The following COL12A1 variants were observed in gnomAD, a reference collection of about 807,000 sequenced individuals.
COL12A1 encodes the protein collagen type XII alpha 1 chain, also known as collagen alpha-1(XII) chain.
A neutral mutation model predicts 349.7 loss-of-function variants in COL12A1; 114 were observed. The ratio of observed to expected loss-of-function variants is 0.33; its 90% CI spans 0.28 to 0.38. COL12A1 has a LOEUF of 0.38. Among genes scored for constraint, COL12A1 ranks in the 10% least tolerant of loss-of-function variants. The probability of loss-of-function intolerance (pLI) is 1.00; values close to 1 mark genes in which losing one functional copy is unlikely to be tolerated. For synonymous variants in COL12A1, 1,369 were observed against 1,329.0 expected (o/e 1.03, Z -0.66); for missense variants, 3,284 against 3,756.9 (o/e 0.87, Z 3.29).
intron 27 of COL12A1, among the ~76,000 whole-genome samples, chr6:75,141,605 A>G (rs1413172068): frequency 6.6e-6 from 1 of 152,226 alleles, no homozygotes; most frequent in Non-Finnish European, 1.5e-5. Flanking sequence ...CAACTAAATC[A>G]TGAACTGGTG....
Position 75,189,200 on chromosome 6 carries a change from A to G in COL12A1, c.823+17T>C. The G allele has an allele frequency of 6.2e-7, 1 of 1,609,520 alleles. No individual in the cohort carries two copies. Among genetic ancestry groups the G allele is most frequent in the Non-Finnish European group, 8.5e-7 (1 of 1,178,046 alleles). On this transcript the variant is annotated intron_variant, in intron 7 of 65. Coordinates refer to ENST00000322507, the MANE Select transcript of COL12A1 (RefSeq NM_004370.6). ...TAGGAGTTGTAAAATGGAAATAATT[A>G]ACTGAACTTAACCTACCCAAGGAGA...
rs143980984 is a variant in COL12A1, at chr6:75,183,765, T to G, written c.1288+89A>C. The G allele has an allele frequency of 5.2e-6, 8 of 1,548,274 alleles. No homozygotes were observed. The African/African-American group carries it at 1.1e-4, about 21-fold the overall frequency. On this transcript the variant is annotated intron_variant, in intron 9 of 65. Coordinates refer to ENST00000322507, the MANE Select transcript of COL12A1 (RefSeq NM_004370.6). ...TTAAAAAAAAAACTATTGCAAATATTTCATTCAAAACTAAGTCCAAACAAG... is the reference window on the plus strand; with the variant it reads ...TTAAAAAAAAAACTATTGCAAATATGTCATTCAAAACTAAGTCCAAACAAG...
intron 3 of COL12A1, among the ~76,000 whole-genome samples, chr6:75,193,402 T>C (rs572241864): frequency 6.6e-6 from 1 of 152,238 alleles, no homozygotes; most frequent in South Asian, 2.1e-4. Context: ...AAAAGCTACG[T>C]TTCCTGGTAA....
intron 37 of COL12A1, 113 bp downstream of exon 37, chr6:75,129,978 G>A: frequency 2.4e-6 from 3 of 1,238,872 alleles, no homozygotes; most frequent in Admixed American, 2.3e-5. Context: ...AAATCCTAAA[G>A]TGTGACTATC....
At chr6:75,185,692 G>A (rs572601473) in intron 8 of COL12A1, among the ~76,000 whole-genome samples, 1 of 152,222 alleles carries the variant, frequency 6.6e-6, no homozygotes, top group South Asian at 2.1e-4. Context: ...AATGCTGGAG[G>A]TGCAGGCTAT....
At chr6:75,172,282 T>C (rs1167302431) in intron 13 of COL12A1, among the ~76,000 whole-genome samples, 2 of 152,236 alleles carry the variant, frequency 1.3e-5, no homozygotes, top group Non-Finnish European at 2.9e-5. Flanking sequence ...AATTAAAAAG[T>C]ACATTTTGTT....
In COL12A1 at chr6:75,126,491, A is replaced by C. The variant is rs764584606; in HGVS notation, c.6341-21T>G. 4 of 1,605,420 alleles carry C rather than the reference A, an allele frequency of 2.5e-6. No individual in the cohort carries two copies. In the African/African-American group the frequency reaches 5.4e-5, roughly 21 times the overall value. ...TCCCACTGAAAACAAACATTGACAC[A>C]CATTACTGACCTTTTATTGGCACAC... On this transcript the variant is annotated intron_variant, in intron 38 of 65. Coordinates refer to ENST00000322507, the MANE Select transcript of COL12A1 (RefSeq NM_004370.6).
chr6:75,121,223 G>C (rs1582082563), intron 44 of COL12A1, 79 bp downstream of exon 44: 18 of 1,314,768 alleles, frequency 1.4e-5, no homozygotes, highest in South Asian at 4.3e-5. Flanking sequence ...ATATTGAAAA[G>C]ACTTTTTACT....
intron 37 of COL12A1, among the ~76,000 whole-genome samples, chr6:75,129,626 C>G (rs1202146456): frequency 6.6e-6 from 1 of 151,920 alleles, no homozygotes; most frequent in Non-Finnish European, 1.5e-5. Flanking sequence ...CTAAAGTGTA[C>G]CGCAAAATGT....
intron 31 of COL12A1, among the ~76,000 whole-genome samples, chr6:75,135,099 G>A (rs968533360): frequency 2.7e-5 from 4 of 150,460 alleles, no homozygotes; most frequent in Admixed American, 2.6e-4. Context: ...CAACTTGCTA[G>A]CCGCCAGCAC....
At chr6:75,186,662 G>T (rs182618629) in intron 8 of COL12A1, among the ~76,000 whole-genome samples, 1 of 152,076 alleles carries the variant, frequency 6.6e-6, no homozygotes, top group Non-Finnish European at 1.5e-5. Context: ...AAAGATAAAT[G>T]CACACGTATA....
intron 2 of COL12A1, among the ~76,000 whole-genome samples, chr6:75,196,087 A>G (rs1257663950): frequency 6.6e-6 from 1 of 152,214 alleles, no homozygotes; most frequent in Non-Finnish European, 1.5e-5. Context: ...GACGTTTCCT[A>G]AATATTTTAT....
Position 75,151,955 on chromosome 6 carries a change from A to G in COL12A1, c.3912T>C (p.Gly1304=). 1 of 1,613,886 alleles carries G rather than the reference A, an allele frequency of 6.2e-7. No homozygotes were observed. Among genetic ancestry groups the G allele is most frequent in the Non-Finnish European group, 8.5e-7 (1 of 1,179,840 alleles). ...AGMRPRARKI[G]VLITDGKSQD... is the part of the protein sequence containing the mutation. ...GTGATTTTCCATCAGTAATGAGCAC[A>G]CCAATTTTTCGAGCTCGAGGTCTCA... Residue 1304 remains glycine, a synonymous_variant, in exon 20 of 66, where the codon GGT becomes GGC. Transcript: ENST00000322507.
chr6:75,111,667 C>G (rs1768845564), intron 51 of COL12A1, among the ~76,000 whole-genome samples: 1 of 151,938 alleles, frequency 6.6e-6, no homozygotes, highest in African/African-American at 2.4e-5. Flanking sequence ...GATTCAACAT[C>G]TAAGAACAGA....
intron 64 of COL12A1, among the ~76,000 whole-genome samples, chr6:75,088,369 G>C (rs984438536): frequency 2.0e-5 from 3 of 151,902 alleles, no homozygotes; most frequent in Non-Finnish European, 4.4e-5. Context: ...GGCCCTTTTA[G>C]TGAGGCTATG....
At chr6:75,086,645 A>G (rs980400298) in intron 65 of COL12A1, 88 bp from the exon 66 acceptor site, 3 of 603,060 alleles carry the variant, frequency 5.0e-6, no homozygotes, top group South Asian at 4.1e-5. Context: ...TGTAATGGTT[A>G]AAGTATATAT....
At chr6:75,122,549 ATTAT>A (rs1765796140) in intron 43 of COL12A1, among the ~76,000 whole-genome samples, 2 of 152,186 alleles carry the variant, frequency 1.3e-5, no homozygotes, top group African/African-American at 4.8e-5. Context: ...TTAAACCAAG[ATTAT>A]TTACTGAATT....
intron 52 of COL12A1, among the ~76,000 whole-genome samples, chr6:75,108,332 C>G (rs958855735): frequency 5.3e-5 from 8 of 152,030 alleles, no homozygotes; most frequent in African/African-American, 1.9e-4. Context: ...AAGTAATTCT[C>G]CTTCCTTGGC....
intron 45 of COL12A1, 44 bp downstream of exon 45, chr6:75,119,306 C>T (rs1343937045): frequency 6.2e-7 from 1 of 1,604,700 alleles, no homozygotes; most frequent in Non-Finnish European, 8.5e-7. Flanking sequence ...CTCAGTTCTG[C>T]CACTACAAAT....
Sources: gnomAD v4.1 joint callset for allele counts (sites outside exome capture counted in the v4.1 genomes callset) on GRCh38, gnomAD v4.1.1 for gene constraint, MANE v1.5 for transcripts, NCBI Gene and HGNC (gene_info 2026-07-23, HGNC 2026-07-21) for gene names.